Variants in ZBTB44 observed in about 807,000 individuals in gnomAD.
ZBTB44 encodes zinc finger and BTB domain containing 44.
ZBTB44 carries 15 observed loss-of-function variants against 54.0 expected under a neutral mutation model. The observed-to-expected ratio is 0.28, with a 90% CI of 0.19 to 0.43. ZBTB44 has a LOEUF of 0.43. Among genes scored for constraint, ZBTB44 ranks in the 20% least tolerant of loss-of-function variants. The pLI, the probability that ZBTB44 is intolerant of heterozygous loss-of-function variation, is 1.00. For synonymous variants in ZBTB44, 230 were observed against 250.1 expected, an observed-to-expected ratio of 0.92 and a Z score of 0.76; for missense variants, 487 against 707.1, an observed-to-expected ratio of 0.69 and a Z score of 3.53.
intron 1 of ZBTB44, chr11:130,296,692 A>C (rs2134411514): frequency 1.9e-6 from 2 of 1,050,840 alleles, no homozygotes; most frequent in East Asian, 2.4e-5. Flanking sequence ...CCATTAAGTG[A>C]ATTTGACTTT....
intron 1 of ZBTB44, among the ~76,000 whole-genome samples, chr11:130,276,242 A>AG (rs769670497): frequency 2.1e-5 from 2 of 94,456 alleles, no homozygotes; most frequent in South Asian, 3.9e-4. Flanking sequence ...CAAAAAAAAA[A>AG]AAAAGAAAAA....
intron 1 of ZBTB44, among the ~76,000 whole-genome samples, chr11:130,283,960 A>G (rs1940729531): frequency 7.8e-6 from 1 of 127,502 alleles, no homozygotes; most frequent in Non-Finnish European, 1.6e-5. Context: ...ACAGAGTAAG[A>G]CTCCATCTCA....
At position 130,226,779 on chromosome 11, in the gene ZBTB44, T is replaced by G. The variant is rs1339194581; in HGVS notation, c.*4985A>C. The G allele has an allele frequency of 6.6e-6, 1 of 152,204 alleles. No individual in the cohort carries two copies. The highest frequency in any genetic ancestry group is 1.5e-5 in the Non-Finnish European group (1 of 68,032). 9.4% of individuals were successfully genotyped at this position (152,204 alleles called of 1,614,324 possible). On this transcript the variant is annotated 3_prime_UTR_variant, in exon 8 of 8. Transcript: ENST00000357899. Reference sequence around the variant, plus strand: ...AAGACACTCAAAACTAGTTTTTCCCTGCCCATCCCTTTCCTAACTGCAACT... The same window carrying G: ...AAGACACTCAAAACTAGTTTTTCCCGGCCCATCCCTTTCCTAACTGCAACT...
intron 2 of ZBTB44, among the ~76,000 whole-genome samples, chr11:130,240,988 T>G (rs1220567131): frequency 6.6e-6 from 1 of 152,260 alleles, no homozygotes; most frequent in Non-Finnish European, 1.5e-5. Context: ...CTGTTTTATA[T>G]AAACCGGGTC....
intron 1 of ZBTB44, chr11:130,310,186 C>T (rs971721018): frequency 1.3e-5 from 2 of 152,100 alleles, no homozygotes; most frequent in South Asian, 2.1e-4. Context: ...AAGAGCTGGG[C>T]GCAGTGGTGT....
chr11:130,242,727 AT>A (rs11370446), intron 2 of ZBTB44, among the ~76,000 whole-genome samples: 2 of 151,952 alleles, frequency 1.3e-5, no homozygotes, highest in Non-Finnish European at 2.9e-5. Flanking sequence ...GTCTTTTTAC[AT>A]TTTTTTCCCT....
At position 130,236,816 on chromosome 11, in the gene ZBTB44, C is replaced by T. The variant is rs1233443822; in HGVS notation, c.1545G>A (p.Glu515=). ...ACCTGCTCTGGAAGTAGTTTGCTAG[C>T]TCTGATGCTTCATGGTTCAGACTCC... ...HLRSLNHEAS[E]LANYFQSSDF... Residue 515 remains glutamate, a synonymous_variant, in exon 5 of 8, where the codon GAG becomes GAA. Coordinates refer to ENST00000357899, the MANE Select transcript of ZBTB44 (RefSeq NM_001301098.2). The T allele has an allele frequency of 7.4e-7, 1 of 1,359,934 alleles. No homozygotes were observed. Among genetic ancestry groups the T allele is most frequent in the Non-Finnish European group, 9.5e-7 (1 of 1,055,518 alleles). The allele number at this position is 1,359,934 out of a possible 1,614,324, so 84.2% of individuals were successfully genotyped here.
At chr11:130,255,241 TAAAAG>T (rs1440018580) in intron 2 of ZBTB44, among the ~76,000 whole-genome samples, 1 of 151,880 alleles carries the variant, frequency 6.6e-6, no homozygotes, top group Non-Finnish European at 1.5e-5. Context: ...AATATAATAA[TAAAAG>T]AAACTCATTC....
At chr11:130,260,833 G>C (rs780028316) in intron 2 of ZBTB44, 23 bp downstream of exon 2, 2 of 1,564,742 alleles carry the variant, frequency 1.3e-6, no homozygotes, top group Admixed American at 4.0e-5. Context: ...ATAGCACCAA[G>C]AAAAACACAG....
intron 1 of ZBTB44, among the ~76,000 whole-genome samples, chr11:130,278,819 T>G (rs915322724): frequency 6.6e-6 from 1 of 152,222 alleles, no homozygotes; most frequent in African/African-American, 2.4e-5. Flanking sequence ...TATGCAAAAT[T>G]GTCACTATAC....
rs113890072 is a variant in ZBTB44 at position 130,304,129 on chromosome 11, T to C, written c.-57+10246A>G. ...TTTAAATCCTATGGCTTGGAATATT[T>C]CTAGCTCATTGCTTAAAATGGGGTG... On this transcript the variant is annotated intron_variant, in intron 1 of 7. Transcript: ENST00000357899. Among the ~76,000 whole-genome samples, 1,260 of 152,328 alleles carry C rather than the reference T, an allele frequency of 8.3e-3. 6 individuals carry two copies. Among genetic ancestry groups the C allele is most frequent in the Non-Finnish European group, 0.013 (857 of 68,030 alleles).
chr11:130,274,849 G>T (rs1025671196), intron 1 of ZBTB44, among the ~76,000 whole-genome samples: 3 of 152,028 alleles, frequency 2.0e-5, no homozygotes, highest in African/African-American at 7.3e-5. Context: ...TGGCTTTATT[G>T]TCAGGGTAAA....
At chr11:130,276,085 G>T (rs1040851601) in intron 1 of ZBTB44, among the ~76,000 whole-genome samples, 1 of 151,496 alleles carries the variant, frequency 6.6e-6, no homozygotes, top group Non-Finnish European at 1.5e-5. Flanking sequence ...AATTAACCAG[G>T]CATGGTGGCA....
intron 1 of ZBTB44, among the ~76,000 whole-genome samples, chr11:130,262,462 T>G (rs546479354): frequency 6.6e-6 from 1 of 152,188 alleles, no homozygotes; most frequent in Admixed American, 6.5e-5. Flanking sequence ...TTTAATGAGC[T>G]GCAGGGCTGC....
intron 2 of ZBTB44, among the ~76,000 whole-genome samples, chr11:130,258,720 T>C (rs1393466709): frequency 1.3e-5 from 2 of 152,192 alleles, no homozygotes; most frequent in Non-Finnish European, 2.9e-5. Context: ...TCTGAGAACA[T>C]AGGTGCTTTC....
intron 1 of ZBTB44, chr11:130,296,210 T>C: frequency 7.8e-7 from 1 of 1,284,756 alleles, no homozygotes; most frequent in Non-Finnish European, 1.1e-6. Context: ...TGTATGTTAG[T>C]GTTGATGATG....
At chr11:130,268,681 C>T (rs975804668) in intron 1 of ZBTB44, among the ~76,000 whole-genome samples, 4 of 152,008 alleles carry the variant, frequency 2.6e-5, no homozygotes, top group Admixed American at 2.6e-4. Context: ...CGGGTTCAAG[C>T]AATTCTCCTG....
chr11:130,299,985 G>T (rs979094837), intron 1 of ZBTB44, among the ~76,000 whole-genome samples: 25 of 152,316 alleles, frequency 1.6e-4, no homozygotes, highest in African/African-American at 6.0e-4. Context: ...CCTTAAAAAG[G>T]AAGGAAATTC....
At chr11:130,304,613 TTC>T (rs1158624112) in intron 1 of ZBTB44, among the ~76,000 whole-genome samples, 5 of 152,094 alleles carry the variant, frequency 3.3e-5, no homozygotes, top group African/African-American at 9.7e-5. Context: ...ACATATATTT[TTC>T]TCTTTTTTAA....
Sources: allele counts gnomAD v4.1 joint callset (sites outside exome capture counted in the v4.1 genomes callset), GRCh38; gene constraint gnomAD v4.1.1; transcripts MANE v1.5; gene names NCBI Gene and HGNC (gene_info 2026-07-23, HGNC 2026-07-21).